The following SGCD variants were observed in gnomAD, a reference collection of about 807,000 sequenced individuals.
The protein encoded by SGCD is sarcoglycan delta.
Under a neutral mutation model 36.6 loss-of-function variants are expected in SGCD, and 18 were observed. That is an observed-to-expected ratio of 0.49 (90% CI 0.34 to 0.73). The LOEUF (loss-of-function observed/expected upper bound fraction) is 0.73. SGCD is among the 30% of genes least tolerant of loss of function. The pLI, the probability that SGCD is intolerant of heterozygous loss-of-function variation, is 0.01. For synonymous variants in SGCD, 133 were observed against 130.6 expected, an observed-to-expected ratio of 1.02 and a Z score of -0.12; for missense variants, 387 against 346.7, an observed-to-expected ratio of 1.12 and a Z score of -0.92.
intron 3 of SGCD, among the ~76,000 whole-genome samples, chr5:156,142,409 G>A (rs1347184732): frequency 3.3e-5 from 5 of 152,178 alleles, no homozygotes; most frequent in East Asian, 3.9e-4. Flanking sequence ...ATCTGAAAAC[G>A]TAGCAGCTTT....
chr5:156,611,925 G>A (rs373999570), intron 6 of SGCD, among the ~76,000 whole-genome samples: 2 of 152,082 alleles, frequency 1.3e-5, no homozygotes, highest in South Asian at 2.1e-4. Flanking sequence ...CAAGATTTCT[G>A]GGGTTTTTAT....
chr5:156,610,634 C>T (rs1035350274), intron 6 of SGCD, among the ~76,000 whole-genome samples: 1 of 152,230 alleles, frequency 6.6e-6, no homozygotes, highest in Non-Finnish European at 1.5e-5. Flanking sequence ...TGCCCTGCCC[C>T]CGGAGGTGGA....
At chr5:156,189,895 G>T (rs564416002) in intron 3 of SGCD, among the ~76,000 whole-genome samples, 1 of 152,236 alleles carries the variant, frequency 6.6e-6, no homozygotes, top group Admixed American at 6.5e-5. Context: ...CTGGAGAAAA[G>T]CATTAGAGGA....
chr5:156,234,980 T>G (rs1765118726), intron 3 of SGCD, among the ~76,000 whole-genome samples: 2 of 152,218 alleles, frequency 1.3e-5, no homozygotes, highest in African/African-American at 4.8e-5. Flanking sequence ...GAAGGGTATA[T>G]TCTATCAGTG....
At chr5:156,206,204 G>A (rs974502651) in intron 3 of SGCD, among the ~76,000 whole-genome samples, 2 of 151,744 alleles carry the variant, frequency 1.3e-5, no homozygotes, top group Non-Finnish European at 2.9e-5. Context: ...TGTGAAAATT[G>A]TTTTGTACTT....
the SGCD span, among the ~76,000 whole-genome samples, chr5:155,857,038 A>G: frequency 6.6e-6 from 1 of 152,076 alleles, no homozygotes; most frequent in African/African-American, 2.4e-5. Context: ...GTTTGAGACA[A>G]TCCTGGCCAG....
the SGCD span, among the ~76,000 whole-genome samples, chr5:155,731,021 C>T: frequency 3.5e-3 from 538 of 152,030 alleles, 5 homozygotes; most frequent in African/African-American, 0.012. Flanking sequence ...GAGCTGGGGG[C>T]CAAGAGGAGA....
At chr5:156,398,103 TC>T (rs1477295038) in intron 3 of SGCD, among the ~76,000 whole-genome samples, 4 of 152,242 alleles carry the variant, frequency 2.6e-5, no homozygotes, top group Non-Finnish European at 4.4e-5. Flanking sequence ...GGTTATTCTT[TC>T]TGCTTAGGCA....
chr5:156,527,073 C>T (rs183423561), intron 4 of SGCD, among the ~76,000 whole-genome samples: 7 of 152,270 alleles, frequency 4.6e-5, no homozygotes, highest in African/African-American at 1.7e-4. Context: ...AATTCTTCCT[C>T]ATTGCCTATC....
intron 3 of SGCD, among the ~76,000 whole-genome samples, chr5:156,172,379 A>T (rs1763365881): frequency 1.3e-5 from 2 of 152,254 alleles, no homozygotes; most frequent in African/African-American, 4.8e-5. Context: ...TTCATGTTAC[A>T]GCACCTGCTC....
At chr5:156,241,963 C>T (rs1765316637) in intron 3 of SGCD, among the ~76,000 whole-genome samples, 1 of 152,070 alleles carries the variant, frequency 6.6e-6, no homozygotes, top group South Asian at 2.1e-4. Context: ...TGAGAGCTGG[C>T]CCTCAAACAG....
chr5:156,166,316 C>T (rs1053719403), intron 3 of SGCD, among the ~76,000 whole-genome samples: 1 of 151,802 alleles, frequency 6.6e-6, no homozygotes, highest in African/African-American at 2.4e-5. Flanking sequence ...TGAGTTACTC[C>T]ATAACTTTTT....
At chr5:156,087,381 G>A (rs1040383000) in intron 1 of SGCD, among the ~76,000 whole-genome samples, 9 of 152,178 alleles carry the variant, frequency 5.9e-5, no homozygotes, top group African/African-American at 2.2e-4. Context: ...GCTCATACCT[G>A]TAATCCCAGC....
At chr5:156,754,128 C>T (rs1427516621) in intron 7 of SGCD, among the ~76,000 whole-genome samples, 4 of 152,152 alleles carry the variant, frequency 2.6e-5, no homozygotes, top group Non-Finnish European at 1.5e-5. Flanking sequence ...TGGGGAAAGG[C>T]AGGAGTCATT....
In SGCD at chr5:156,150,006, C is replaced by T. The variant is rs146128387; in HGVS notation, c.-44+25987C>T. ...CCATCCTTGTTCTCTCCTCTGTTCT[C>T]CACCCAGCAGCTAGAGTGGTCTTTT... On this transcript the variant is annotated intron_variant, in intron 3 of 9. Coordinates refer to the SGCD transcript ENST00000517913. 1.4e-3 allele frequency among the ~76,000 whole-genome samples: 210 copies of T among 152,250 alleles called. 5 individuals carry two copies. The East Asian group carries it at 0.028, about 20-fold the overall frequency.
At chr5:156,561,338 T>G (rs561410792) in intron 4 of SGCD, among the ~76,000 whole-genome samples, 1 of 152,322 alleles carries the variant, frequency 6.6e-6, no homozygotes, top group South Asian at 2.1e-4. Context: ...TCCAAGCCAT[T>G]TTTGAAGCCA....
intron 4 of SGCD, among the ~76,000 whole-genome samples, chr5:156,532,075 A>C (rs1266856852): frequency 6.6e-6 from 1 of 152,122 alleles, no homozygotes; most frequent in Non-Finnish European, 1.5e-5. Context: ...GAGCCATTGC[A>C]CTCCAGCCTG....
chr5:155,786,639 G>A, the SGCD span, among the ~76,000 whole-genome samples: 4 of 152,032 alleles, frequency 2.6e-5, no homozygotes, highest in Non-Finnish European at 4.4e-5. Flanking sequence ...GAGCTGTCAG[G>A]GACCACCATC....
chr5:155,766,343 C>T, the SGCD span, among the ~76,000 whole-genome samples: 1 of 152,178 alleles, frequency 6.6e-6, no homozygotes, highest in African/African-American at 2.4e-5. Context: ...AAGCGCACCA[C>T]ATCCCTTCTT....
Sources: allele counts gnomAD v4.1 joint callset (sites outside exome capture counted in the v4.1 genomes callset), GRCh38; gene constraint gnomAD v4.1.1; transcripts MANE v1.5; gene names NCBI Gene and HGNC (gene_info 2026-07-23, HGNC 2026-07-21).